SRSF11: variants seen among roughly 807,000 people sequenced by gnomAD.
The protein encoded by SRSF11 is serine and arginine rich splicing factor 11, also known as serine/arginine-rich splicing factor 11.
Under a neutral mutation model 56.0 loss-of-function variants are expected in SRSF11, and 9 were observed. The ratio of observed to expected loss-of-function variants is 0.16; its 90% CI spans 0.10 to 0.28. The LOEUF is 0.28. Ranked by LOEUF, SRSF11 falls within the 10% of genes least tolerant of loss-of-function variation. SRSF11 has a pLI of 1.00. For synonymous variants in SRSF11, 222 were observed against 215.3 expected (o/e 1.03, Z -0.27); for missense variants, 421 against 600.7 (o/e 0.70, Z 3.13).
chr1:70,205,724 A>T, exon 1 of SRSF11: 1 of 530,006 alleles, frequency 1.9e-6, no homozygotes, highest in East Asian at 2.9e-5. Context: ...GCTGGAGGAC[A>T]GAGAAGCCTT....
chr1:70,206,578 A>T (rs1669047390), intron 1 of SRSF11, among the ~76,000 whole-genome samples: 1 of 152,176 alleles, frequency 6.6e-6, no homozygotes, highest in Non-Finnish European at 1.5e-5. Context: ...TATGTGTACT[A>T]TCCTGGGTGC....
At chr1:70,237,626 T>C in intron 6 of SRSF11, 74 bp downstream of exon 6, 1 of 1,576,818 alleles carries the variant, frequency 6.3e-7, no homozygotes, top group Non-Finnish European at 8.6e-7. Flanking sequence ...GGAATTGTGT[T>C]GAGTGACACC....
rs1677897677 is a variant in SRSF11, at chr1:70,251,158, A to AT, written c.*356dup. The AT allele has an allele frequency of 5.3e-6, 1 of 188,318 alleles. No individual in the cohort carries two copies. The highest frequency in any genetic ancestry group is 5.4e-5 in the Admixed American group (1 of 18,610). The allele number at this position is 188,318 out of a possible 1,614,324, so 11.7% of individuals were successfully genotyped here. A position where few individuals can be genotyped will look rare whatever the true frequency, so the allele number is the denominator to read the frequency against. On this transcript the variant is annotated 3_prime_UTR_variant, in exon 12 of 12. Transcript: ENST00000370949. ...TAAGTTCACTTATAGTATTTCTATA[A>AT]TTTGATTCATTGCCGTAATAGAGCC...
At chr1:70,208,473 A>G in intron 1 of SRSF11, among the ~76,000 whole-genome samples, 1 of 152,098 alleles carries the variant, frequency 6.6e-6, no homozygotes, top group East Asian at 1.9e-4. Flanking sequence ...AGCTGGCATT[A>G]CAGGTACGCA....
At chr1:70,218,217 C>G (rs1670199702), upstream of SRSF11, among the ~76,000 whole-genome samples, 1 of 152,192 alleles carries the variant, frequency 6.6e-6, no homozygotes, top group Non-Finnish European at 1.5e-5. Flanking sequence ...ATCCGCCCGC[C>G]TTGGCCTCCC....
chr1:70,230,887 T>C (rs1004937857), intron 2 of SRSF11: 17 of 1,182,560 alleles, frequency 1.4e-5, no homozygotes, highest in Non-Finnish European at 1.8e-5. Context: ...TTAATATTGA[T>C]GCATTACTGC....
chr1:70,246,194 A>G (rs1676710314), intron 8 of SRSF11, among the ~76,000 whole-genome samples: 1 of 152,098 alleles, frequency 6.6e-6, no homozygotes, highest in Non-Finnish European at 1.5e-5. Flanking sequence ...CTCTTTGCTT[A>G]GAGTCTTGGG....
Position 70,221,708 on chromosome 1 carries a change from TGGTGGCGGC to T in SRSF11, c.75_83del (p.Gly29_Gly31del), listed in dbSNP as rs1558154445. The T allele has an allele frequency of 6.2e-7, 1 of 1,611,842 alleles. No individual in the cohort carries two copies. The highest frequency in any genetic ancestry group is 1.7e-5 in the Admixed American group (1 of 59,894). On this transcript the variant is annotated inframe_deletion, in exon 1 of 12. Coordinates refer to ENST00000370949, the MANE Select transcript of SRSF11 (RefSeq NM_001350605.2). ...GCGGCGGGCCCGGTGGCGGAGGTGGTGGTGGCGGCGGAGGCGGCGGCACCGAGGTAATCC... is the reference window on the plus strand; with the variant it reads ...GCGGCGGGCCCGGTGGCGGAGGTGGTGGAGGCGGCGGCACCGAGGTAATCC...
upstream of SRSF11, among the ~76,000 whole-genome samples, chr1:70,218,412 A>T (rs1488466369): frequency 6.6e-6 from 1 of 152,248 alleles, no homozygotes; most frequent in Non-Finnish European, 1.5e-5. Context: ...GTTTCTCTAT[A>T]GCAAAGTATC....
At chr1:70,213,602 T>C (rs991141289) in intron 1 of SRSF11, among the ~76,000 whole-genome samples, 2 of 152,200 alleles carry the variant, frequency 1.3e-5, no homozygotes, top group African/African-American at 4.8e-5. Context: ...ATCCCTGCTC[T>C]ACTATTACCT....
chr1:70,250,240 C>T, intron 10 of SRSF11, 125 bp from the exon 11 acceptor site: 1 of 1,461,036 alleles, frequency 6.8e-7, no homozygotes, highest in South Asian at 1.4e-5. Flanking sequence ...GTTTTGTAGC[C>T]TGTGTTACTT....
chr1:70,243,528 G>A (rs193185612), intron 7 of SRSF11, among the ~76,000 whole-genome samples: 1 of 152,042 alleles, frequency 6.6e-6, no homozygotes, highest in African/African-American at 2.4e-5. Context: ...GACTGCTGAA[G>A]TAACAAGGTC....
intron 5 of SRSF11, among the ~76,000 whole-genome samples, chr1:70,236,662 A>G (rs1295248903): frequency 6.6e-6 from 1 of 151,768 alleles, no homozygotes. Context: ...TAAACCTGTA[A>G]GGGGCATCTT....
chr1:70,221,948 A>AGTGGCTG lies in SRSF11; in HGVS notation c.203+121_203+127dup, dbSNP rs1670735967. On this transcript the variant is annotated intron_variant, in intron 1 of 11. Transcript: ENST00000370949. ...CTGCTTCCCCGGGCCAGGCTGCTTG[A>AGTGGCTG]GTGGCTGGTGGCTGGTGGATTTACT... 13 of 1,491,434 alleles carry AGTGGCTG rather than the reference A, an allele frequency of 8.7e-6. No homozygotes were observed. The South Asian group carries it at 1.5e-4, about 17-fold the overall frequency. The allele number at this position is 1,491,434 out of a possible 1,614,324, so 92.4% of individuals were successfully genotyped here.
intron 7 of SRSF11, among the ~76,000 whole-genome samples, chr1:70,241,753 C>T (rs1312599668): frequency 6.6e-6 from 1 of 152,206 alleles, no homozygotes. Context: ...CTTCAAGATA[C>T]AATGCTTGCA....
chr1:70,231,198 C>T (rs1672781887), intron 2 of SRSF11: 1 of 1,261,638 alleles, frequency 7.9e-7, no homozygotes, highest in Admixed American at 2.7e-5. Flanking sequence ...GTGCCCTGTA[C>T]ATATTGTATG....
chr1:70,239,299 C>T, intron 6 of SRSF11, 140 bp from the exon 7 acceptor site: 1 of 594,948 alleles, frequency 1.7e-6, no homozygotes. Context: ...ACTATATTGC[C>T]CAGGCTGGTC....
chr1:70,230,095 T>G, intron 2 of SRSF11: 1 of 984,600 alleles, frequency 1.0e-6, no homozygotes, highest in Non-Finnish European at 1.2e-6. Flanking sequence ...AAATTTAAAT[T>G]TTTTATTGGC....
chr1:70,236,867 G>A (rs1179745876), intron 5 of SRSF11, among the ~76,000 whole-genome samples: 2 of 139,670 alleles, frequency 1.4e-5, no homozygotes, highest in East Asian at 2.1e-4. Context: ...GCAGTGGCGC[G>A]ATGTCTGCCT....
Sources: gnomAD v4.1 joint callset for allele counts (sites outside exome capture counted in the v4.1 genomes callset) on GRCh38, gnomAD v4.1.1 for gene constraint, MANE v1.5 for transcripts, NCBI Gene and HGNC (gene_info 2026-07-23, HGNC 2026-07-21) for gene names.